The following ACAD9 variants were observed in gnomAD, a reference collection of about 807,000 sequenced individuals.
ACAD9 encodes acyl-CoA dehydrogenase family member 9.
In ACAD9, 53 loss-of-function variants were observed where a neutral mutation model predicts 70.2. That is an observed-to-expected ratio of 0.75 (90% CI 0.61 to 0.95). The LOEUF (loss-of-function observed/expected upper bound fraction) is 0.95. Among genes scored for constraint, ACAD9 ranks in the 40% least tolerant of loss-of-function variants. The pLI, the probability that ACAD9 is intolerant of heterozygous loss-of-function variation, is 0.00. For synonymous variants in ACAD9, 313 were observed against 312.1 expected (o/e 1.00, Z -0.03); for missense variants, 777 against 802.8 (o/e 0.97, Z 0.39).
At chr3:128,901,179 G>A (rs540240517) in intron 7 of ACAD9, 97 bp from the exon 8 acceptor site, 1 of 1,094,584 alleles carries the variant, frequency 9.1e-7, no homozygotes, top group African/African-American at 1.5e-5. Context: ...ACATTGGATG[G>A]ATGGATGGAT....
intron 11 of ACAD9, 29 bp downstream of exon 11, chr3:128,904,534 G>A (rs532422170): frequency 8.7e-6 from 14 of 1,609,208 alleles, no homozygotes; most frequent in South Asian, 2.2e-5. Context: ...GAGAGCTGGC[G>A]CTGGAGGGAG....
chr3:128,880,743 G>A (rs1288030502), intron 1 of ACAD9, among the ~76,000 whole-genome samples: 1 of 152,120 alleles, frequency 6.6e-6, no homozygotes, highest in Non-Finnish European at 1.5e-5. Context: ...CTTCACAGAT[G>A]TGTTGTAGAG....
At position 128,895,379 on chromosome 3, in the gene ACAD9, CTG is replaced by C; in HGVS notation, c.419_420del (p.Val140AspfsTer19). The C allele has an allele frequency of 6.2e-7, 1 of 1,612,520 alleles. No homozygotes were observed. Among genetic ancestry groups the C allele is most frequent in the South Asian group, 1.1e-5 (1 of 90,592 alleles). ...ATCATCAGCATGGATGGGTCCATCA[CTG>C]TGACCCTGGCAGCGCACCAGGCTAT... On this transcript the variant is annotated frameshift_variant, in exon 4 of 18. Transcript: ENST00000308982. LOFTEE classifies it high-confidence loss of function.
intron 6 of ACAD9, 93 bp downstream of exon 6, chr3:128,897,803 G>A: frequency 8.7e-7 from 1 of 1,152,640 alleles, no homozygotes; most frequent in Non-Finnish European, 1.3e-6. Context: ...GATTGTACCT[G>A]CTGCTGTAGC....
chr3:128,912,782 G>A lies in ACAD9; in HGVS notation c.*175G>A. The A allele has an allele frequency of 1.3e-6, 1 of 744,428 alleles. No homozygotes were observed. The highest frequency in any genetic ancestry group is 1.4e-5 in the South Asian group (1 of 73,606). The allele number at this position is 744,428 out of a possible 1,614,324, so 46.1% of individuals were successfully genotyped here. A position where few individuals can be genotyped will look rare whatever the true frequency, so the allele number is the denominator to read the frequency against. On this transcript the variant is annotated 3_prime_UTR_variant, in exon 18 of 18. Coordinates refer to ENST00000308982, the MANE Select transcript of ACAD9 (RefSeq NM_014049.5). ...GAGAGCCTCTTCCAGGTTTTGACCT[G>A]CAGGCAGTGCTCTCTAACAGGACCA...
intron 11 of ACAD9, 98 bp downstream of exon 11, chr3:128,904,603 C>G (rs1653524289): frequency 6.5e-7 from 1 of 1,528,008 alleles, no homozygotes; most frequent in Non-Finnish European, 8.8e-7. Flanking sequence ...TGTCATCTTC[C>G]TCCTGTCATT....
intron 12 of ACAD9, 120 bp from the exon 13 acceptor site, chr3:128,908,065 G>A (rs1935949541): frequency 2.1e-6 from 2 of 931,326 alleles, no homozygotes; most frequent in Admixed American, 1.7e-5. Context: ...GCTACTTCAG[G>A]AGCAGTGGCT....
At chr3:128,909,477 T>C in intron 15 of ACAD9, 56 bp downstream of exon 15, 1 of 1,537,106 alleles carries the variant, frequency 6.5e-7, no homozygotes, top group South Asian at 1.1e-5. Flanking sequence ...TGGCCAGCAT[T>C]CATGAGACTA....
intron 3 of ACAD9, 124 bp from the exon 4 acceptor site, chr3:128,895,186 A>ATT: frequency 1.1e-5 from 7 of 643,682 alleles, no homozygotes; most frequent in South Asian, 1.9e-5. Flanking sequence ...CTGTATTGTG[A>ATT]TTTTTTTTTT....
Position 128,896,463 on chromosome 3 carries a change from C to G in ACAD9, c.481C>G (p.Gln161Glu). The change falls in exon 5 of 18, where the codon CAG (glutamine) becomes GAG (glutamate). Residue 161 changes from glutamine to glutamate, a missense_variant. Physicochemically the swap from Gln to Glu is conservative, Grantham distance 29 (BLOSUM62 2). Coordinates refer to ENST00000308982, the MANE Select transcript of ACAD9 (RefSeq NM_014049.5). ...GATCATCTTGGCTGGCACTGAGGAG[C>G]AGAAAGCCAAATACTTGCCTAAACT... ...KGIILAGTEEQKAKYLPKLAS... is the reference protein window; with the variant it reads ...KGIILAGTEEEKAKYLPKLAS... 6.2e-7 allele frequency: 1 copy of G among 1,614,220 alleles called. No individual in the cohort carries two copies. Among genetic ancestry groups the G allele is most frequent in the Admixed American group, 1.7e-5 (1 of 60,026 alleles).
At chr3:128,906,614 C>T in intron 12 of ACAD9, among the ~76,000 whole-genome samples, 1 of 152,170 alleles carries the variant, frequency 6.6e-6, no homozygotes, top group Non-Finnish European at 1.5e-5. Context: ...GCGCTCCTGG[C>T]CCCTAGGGGC....
Position 128,899,373 on chromosome 3 carries a change from C to CA in ACAD9, c.724dup (p.Ile242AsnfsTer15), listed in dbSNP as rs1935664654. ...TTGATTCTGATGGATCAGTGAAAGA[C>CA]AAAATCACAGCATTCATAGTAGAAA... On this transcript the variant is annotated frameshift_variant, in exon 7 of 18. Coordinates refer to ENST00000308982, the MANE Select transcript of ACAD9 (RefSeq NM_014049.5). LOFTEE classifies it high-confidence loss of function. 2 of 1,614,268 alleles carry CA rather than the reference C, an allele frequency of 1.2e-6. No homozygotes were observed. Among genetic ancestry groups the CA allele is most frequent in the Non-Finnish European group, 1.7e-6 (2 of 1,180,048 alleles).
intron 2 of ACAD9, among the ~76,000 whole-genome samples, chr3:128,890,794 C>T (rs1488824885): frequency 6.6e-6 from 1 of 151,774 alleles, no homozygotes; most frequent in African/African-American, 2.4e-5. Flanking sequence ...TTTTCAATGT[C>T]TGCAAAAAGG....
Position 128,904,516 on chromosome 3 carries a change from C to A in ACAD9, c.1149+11C>A. On this transcript the variant is annotated intron_variant, in intron 11 of 17. Coordinates refer to ENST00000308982, the MANE Select transcript of ACAD9 (RefSeq NM_014049.5). ...GCAGCCATGGTGAAGGTAACCCTGGCATAGCCAGAGAGCTGGCGCTGGAGG... is the reference window on the plus strand; with the variant it reads ...GCAGCCATGGTGAAGGTAACCCTGGAATAGCCAGAGAGCTGGCGCTGGAGG... 6 of 1,613,274 alleles carry A rather than the reference C, an allele frequency of 3.7e-6. No individual in the cohort carries two copies. The highest frequency in any genetic ancestry group is 8.5e-7 in the Non-Finnish European group (1 of 1,179,898).
At position 128,911,118 on chromosome 3, in the gene ACAD9, G is replaced by A. The variant is rs550964307; in HGVS notation, c.1765+305G>A. Among the ~76,000 whole-genome samples, 83 of 152,334 alleles carry A rather than the reference G, an allele frequency of 5.4e-4. 1 individual carries two copies. The highest frequency in any genetic ancestry group is 1.5e-3 in the African/African-American group (61 of 41,580). On this transcript the variant is annotated intron_variant, in intron 17 of 17. Transcript: ENST00000308982. ...GTTGCCCAAGCTGGAGTGTAATGGC[G>A]CAGTCTTGGCTCCCTGCAAACTCCA...
At chr3:128,900,521 G>A (rs1437283860) in intron 7 of ACAD9, among the ~76,000 whole-genome samples, 2 of 149,556 alleles carry the variant, frequency 1.3e-5, no homozygotes, top group East Asian at 1.9e-4. Flanking sequence ...CACCGCACCC[G>A]GCCTTTTTTT....
chr3:128,899,717 G>T (rs550491821), intron 7 of ACAD9, among the ~76,000 whole-genome samples: 4 of 152,314 alleles, frequency 2.6e-5, no homozygotes, highest in Middle Eastern at 3.4e-3. Context: ...TCACTTGAAG[G>T]CCTGCTGGTC....
At chr3:128,906,355 C>A in intron 12 of ACAD9, 106 bp downstream of exon 12, 2 of 1,544,636 alleles carry the variant, frequency 1.3e-6, no homozygotes, top group South Asian at 2.3e-5. Flanking sequence ...AGGGCTGGGT[C>A]GCATGCTCTC....
chr3:128,894,271 A>T (rs1200736914), intron 3 of ACAD9, among the ~76,000 whole-genome samples: 1 of 152,166 alleles, frequency 6.6e-6, no homozygotes, highest in Non-Finnish European at 1.5e-5. Context: ...AAAACAATCC[A>T]TTCCAAAATG....
Sources: allele counts gnomAD v4.1 joint callset (sites outside exome capture counted in the v4.1 genomes callset), GRCh38; gene constraint gnomAD v4.1.1; transcripts MANE v1.5; gene names NCBI Gene and HGNC (gene_info 2026-07-23, HGNC 2026-07-21).